Variants in NUP153 observed in about 807,000 individuals in gnomAD.
NUP153 encodes the protein nucleoporin 153.
NUP153 carries 27 observed loss-of-function variants against 134.6 expected under a neutral mutation model. The ratio of observed to expected loss-of-function variants is 0.20; its 90% CI spans 0.15 to 0.28. NUP153 has a LOEUF of 0.28. NUP153 is among the 10% of genes least tolerant of loss of function. The pLI, the probability that NUP153 is intolerant of heterozygous loss-of-function variation, is 1.00. For missense variants in NUP153, 1,821 were observed against 1,731.3 expected, an observed-to-expected ratio of 1.05 and a Z score of -0.92; for synonymous variants, 640 against 623.5, an observed-to-expected ratio of 1.03 and a Z score of -0.40.
intron 14 of NUP153, among the ~76,000 whole-genome samples, chr6:17,644,511 T>C (rs1227065867): frequency 6.6e-6 from 1 of 152,228 alleles, no homozygotes; most frequent in Admixed American, 6.5e-5. Flanking sequence ...GTCATGCTTT[T>C]TCTCTTGTTC....
Position 17,626,089 on chromosome 6 carries a change from G to C in NUP153, c.3620C>G (p.Ala1207Gly). ...GGAACTACCAAATATGCCACCACCA[G>C]CAGAAGTGGCTGGTGTACTTGAACT... ...SSSSSTPATS[A>G]GGGIFGSSTS... The change falls in exon 19 of 22, where the codon GCT (alanine) becomes GGT (glycine). Residue 1207 changes from alanine (A) to glycine (G), a missense_variant. Coordinates refer to ENST00000262077, the MANE Select transcript of NUP153 (RefSeq NM_005124.4). 2 of 1,613,928 alleles carry C rather than the reference G, an allele frequency of 1.2e-6. No homozygotes were observed. Among genetic ancestry groups the C allele is most frequent in the Non-Finnish European group, 1.7e-6 (2 of 1,180,012 alleles).
chr6:17,619,862 C>A (rs558644280), intron 20 of NUP153, among the ~76,000 whole-genome samples: 1 of 152,158 alleles, frequency 6.6e-6, no homozygotes, highest in South Asian at 2.1e-4. Flanking sequence ...GTTTGGGAGG[C>A]CGAGGCGGGC....
In NUP153 at chr6:17,669,153, A is replaced by G. The variant is rs930222173; in HGVS notation, c.1015-125T>C. 26 of 1,003,236 alleles carry G rather than the reference A, an allele frequency of 2.6e-5. No individual in the cohort carries two copies. The African/African-American group carries it at 3.5e-4, about 13-fold the overall frequency. The allele number at this position is 1,003,236 out of a possible 1,614,324, so 62.1% of individuals were successfully genotyped here. A position where few individuals can be genotyped will look rare whatever the true frequency, so the allele number is the denominator to read the frequency against. On this transcript the variant is annotated intron_variant, in intron 7 of 21. Transcript: ENST00000262077. ...GAGTGCAGTGGCGCGATCTTGACTC[A>G]CTGCAACCTCTGCCTCCCAAGTTCA...
chr6:17,679,544 C>A (rs1431060488), intron 2 of NUP153, among the ~76,000 whole-genome samples: 1 of 152,074 alleles, frequency 6.6e-6, no homozygotes, highest in Non-Finnish European at 1.5e-5. Context: ...TCTCAAGGAA[C>A]CTCAAAATGC....
intron 14 of NUP153, among the ~76,000 whole-genome samples, chr6:17,641,712 G>A (rs150839587): frequency 1.8e-3 from 280 of 152,152 alleles, no homozygotes; most frequent in African/African-American, 6.0e-3. Context: ...CAAATTAGCC[G>A]GGCGTGGTGG....
chr6:17,702,537 G>C (rs1770185296), intron 1 of NUP153, among the ~76,000 whole-genome samples: 1 of 151,450 alleles, frequency 6.6e-6, no homozygotes, highest in Non-Finnish European at 1.5e-5. Context: ...TCAGCCGTTT[G>C]TGGTGGCGCA....
chr6:17,676,674 A>G (rs1027352125), intron 2 of NUP153, among the ~76,000 whole-genome samples: 1 of 152,198 alleles, frequency 6.6e-6, no homozygotes, highest in Non-Finnish European at 1.5e-5. Context: ...CTGCTTTCAG[A>G]CAGTGGAAAA....
chr6:17,638,956 A>C lies in NUP153; in HGVS notation c.1846+983T>G, dbSNP rs1481561854. On this transcript the variant is annotated intron_variant, in intron 15 of 21. Coordinates refer to ENST00000262077, the MANE Select transcript of NUP153 (RefSeq NM_005124.4). This position sits in a 1 kb window ranked among gnomAD's most constrained non-coding sequence, Gnocchi z 4.0. ...CCTCCTAAATCCTGTTGTAAAAGCCAACCTTATTTTTTAAGAAAACCTATC... is the reference window on the plus strand; with the variant it reads ...CCTCCTAAATCCTGTTGTAAAAGCCCACCTTATTTTTTAAGAAAACCTATC... Among the ~76,000 whole-genome samples, 1 of 152,232 alleles carries C rather than the reference A, an allele frequency of 6.6e-6. No homozygotes were observed. The highest frequency in any genetic ancestry group is 6.5e-5 in the Admixed American group (1 of 15,284).
chr6:17,673,365 T>A (rs987650622), intron 5 of NUP153, among the ~76,000 whole-genome samples: 7 of 151,690 alleles, frequency 4.6e-5, no homozygotes, highest in East Asian at 1.9e-4. Context: ...AAAAAAAAAA[T>A]AACAACTTCT....
chr6:17,619,336 T>C lies in NUP153; in HGVS notation c.4175-2641A>G, dbSNP rs541243450. On this transcript the variant is annotated intron_variant, in intron 20 of 21. Transcript: ENST00000262077. Reference sequence around the variant, plus strand: ...CCATCCCTGAACCCTCAAGAATCACTGGAAGATGTGCTGTATCAGAAAATA... The same window carrying C: ...CCATCCCTGAACCCTCAAGAATCACCGGAAGATGTGCTGTATCAGAAAATA... 7.2e-5 allele frequency among the ~76,000 whole-genome samples: 11 copies of C among 152,276 alleles called. No individual in the cohort carries two copies. The East Asian group carries it at 1.7e-3, about 24-fold the overall frequency.
At chr6:17,653,883 G>A (rs1766651812) in intron 11 of NUP153, among the ~76,000 whole-genome samples, 1 of 152,140 alleles carries the variant, frequency 6.6e-6, no homozygotes, top group African/African-American at 2.4e-5. Context: ...TTCACTATAT[G>A]TCAATTTTGC....
intron 20 of NUP153, among the ~76,000 whole-genome samples, chr6:17,618,843 G>A (rs1005247197): frequency 3.9e-5 from 6 of 152,210 alleles, no homozygotes; most frequent in Non-Finnish European, 7.3e-5. Flanking sequence ...TGGGATTACA[G>A]GCGTGAGCCA....
At chr6:17,650,250 G>C (rs1224099695) in intron 11 of NUP153, among the ~76,000 whole-genome samples, 3 of 152,208 alleles carry the variant, frequency 2.0e-5, no homozygotes, top group Non-Finnish European at 4.4e-5. Context: ...TAAGCTTCCT[G>C]TTCTCTTCAT....
chr6:17,628,276 A>G lies in NUP153; in HGVS notation c.3544+379T>C, dbSNP rs975175625. Among the ~76,000 whole-genome samples, 2 of 152,202 alleles carry G rather than the reference A, an allele frequency of 1.3e-5. No homozygotes were observed. The highest frequency in any genetic ancestry group is 4.8e-5 in the African/African-American group (2 of 41,462). ...GACTGGTTATCTGTAACTATTTGTAAATAAAGGCCTTCCCATAGATTATGG... is the reference window on the plus strand; with the variant it reads ...GACTGGTTATCTGTAACTATTTGTAGATAAAGGCCTTCCCATAGATTATGG... On this transcript the variant is annotated intron_variant, in intron 18 of 21. Transcript: ENST00000262077. This position sits in a 1 kb window ranked among gnomAD's most constrained non-coding sequence, Gnocchi z 5.4.
intron 1 of NUP153, among the ~76,000 whole-genome samples, chr6:17,695,934 G>A (rs758941313): frequency 1.4e-4 from 22 of 152,144 alleles, no homozygotes; most frequent in Admixed American, 3.3e-4. Flanking sequence ...GCGTGAACCC[G>A]GAAGGCGGAG....
chr6:17,698,870 T>C (rs1769850316), intron 1 of NUP153, among the ~76,000 whole-genome samples: 1 of 140,102 alleles, frequency 7.1e-6, no homozygotes, highest in African/African-American at 2.6e-5. Context: ...GACACTGTCT[T>C]AAAAAAAAAA....
At chr6:17,678,233 G>A (rs761519212) in intron 2 of NUP153, among the ~76,000 whole-genome samples, 12 of 151,266 alleles carry the variant, frequency 7.9e-5, no homozygotes, top group Non-Finnish European at 1.6e-4. Flanking sequence ...GCACACGCCT[G>A]TAATTCCAGC....
chr6:17,668,897 C>A, intron 8 of NUP153, 78 bp downstream of exon 8: 1 of 967,320 alleles, frequency 1.0e-6, no homozygotes, highest in Admixed American at 2.5e-5. Flanking sequence ...TAAACTAAAT[C>A]CAATTTGTAT....
chr6:17,678,947 T>TA (rs58870324), intron 2 of NUP153, among the ~76,000 whole-genome samples: 56 of 142,634 alleles, frequency 3.9e-4, no homozygotes, highest in African/African-American at 1.4e-3. Context: ...CTATCTCATT[T>TA]AAAAAAAAAA....
Sources: gnomAD v4.1 joint callset for allele counts (sites outside exome capture counted in the v4.1 genomes callset) on GRCh38, gnomAD v4.1.1 for gene constraint, Gnocchi (gnomAD v3.1) non-coding constraint, MANE v1.5 for transcripts, NCBI Gene and HGNC (gene_info 2026-07-23, HGNC 2026-07-21) for gene names.